Variants in PTPRM observed in about 807,000 individuals in gnomAD.
PTPRM encodes protein tyrosine phosphatase receptor type M, also known as receptor-type tyrosine-protein phosphatase mu.
Under a neutral mutation model 186.7 loss-of-function variants are expected in PTPRM, and 47 were observed. The observed-to-expected ratio is 0.25, with a 90% CI of 0.20 to 0.32. The LOEUF (loss-of-function observed/expected upper bound fraction) is 0.32, where lower values mean the gene tolerates loss of function less well. Among genes scored for constraint, PTPRM ranks in the 10% least tolerant of loss-of-function variants. The pLI is 1.00. For synonymous variants in PTPRM, 668 were observed against 674.9 expected (o/e 0.99, Z 0.16); for missense variants, 1,494 against 1,865.0 (o/e 0.80, Z 3.66).
At chr18:8,133,970 G>A (rs1374076363) in intron 13 of PTPRM, among the ~76,000 whole-genome samples, 1 of 152,170 alleles carries the variant, frequency 6.6e-6, no homozygotes, top group East Asian at 1.9e-4. Flanking sequence ...AAAAAAATAT[G>A]TAGCATTTTT....
Position 8,147,395 on chromosome 18 carries a change from A to T in PTPRM, c.2300+3616A>T, listed in dbSNP as rs371677680. Among the ~76,000 whole-genome samples, 48 of 152,212 alleles carry T rather than the reference A, an allele frequency of 3.2e-4. No individual in the cohort carries two copies. In the South Asian group the frequency reaches 6.2e-3, roughly 20 times the overall value. ...TGTAAATTGTATTCCTAGATATTTT[A>T]TTCTCTCTATAGCAATTGCGAATGG... On this transcript the variant is annotated intron_variant, in intron 14 of 32. Coordinates refer to ENST00000580170, the MANE Select transcript of PTPRM (RefSeq NM_001105244.2).
chr18:7,935,231 G>T (rs1315449293), intron 5 of PTPRM, among the ~76,000 whole-genome samples: 1 of 152,240 alleles, frequency 6.6e-6, no homozygotes, highest in East Asian at 1.9e-4. Flanking sequence ...AAGGAGGACT[G>T]TCTTTAGTTG....
At chr18:7,852,118 A>G (rs2046889264) in intron 2 of PTPRM, among the ~76,000 whole-genome samples, 2 of 152,224 alleles carry the variant, frequency 1.3e-5, no homozygotes, top group African/African-American at 2.4e-5. Flanking sequence ...ATAAACAAAG[A>G]ACACAGCTCA....
intron 7 of PTPRM, among the ~76,000 whole-genome samples, chr18:8,066,662 A>G (rs2148415195): frequency 6.6e-6 from 1 of 152,348 alleles, no homozygotes. Flanking sequence ...AAGCTTCCGT[A>G]AGATAGTTTT....
chr18:8,341,563 C>T (rs1002688664), intron 22 of PTPRM, among the ~76,000 whole-genome samples: 1 of 152,116 alleles, frequency 6.6e-6, no homozygotes, highest in African/African-American at 2.4e-5. Context: ...CTTTGCTCTT[C>T]CTGCAGGCAC....
At chr18:8,323,304 TC>T (rs2095356949) in intron 22 of PTPRM, among the ~76,000 whole-genome samples, 1 of 152,076 alleles carries the variant, frequency 6.6e-6, no homozygotes, top group South Asian at 2.1e-4. Context: ...TGCACCGGGA[TC>T]CCCCAAGAAA....
At chr18:8,103,706 C>T (rs567828683) in intron 11 of PTPRM, among the ~76,000 whole-genome samples, 8 of 152,328 alleles carry the variant, frequency 5.3e-5, no homozygotes, top group Admixed American at 4.6e-4. Flanking sequence ...ACTTTCCTAT[C>T]ATTCATGTGT....
At chr18:7,657,171 G>A (rs192644553) in intron 1 of PTPRM, among the ~76,000 whole-genome samples, 5 of 152,248 alleles carry the variant, frequency 3.3e-5, no homozygotes, top group African/African-American at 9.6e-5. Flanking sequence ...TCTGAGTTTA[G>A]ATTTTGCCAA....
In PTPRM at chr18:7,933,551, G is replaced by C. The variant is rs551148297; in HGVS notation, c.663+6868G>C. 2.0e-5 allele frequency among the ~76,000 whole-genome samples: 3 copies of C among 152,228 alleles called. No individual in the cohort carries two copies. In the East Asian group the frequency reaches 5.8e-4, roughly 29 times the overall value. On this transcript the variant is annotated intron_variant, in intron 5 of 32. Transcript: ENST00000580170. ...TTGAAATGTATCTCCCATGGAACAG[G>C]GGGGACTGCTATACTGTTAAAAACA...
Position 8,378,285 on chromosome 18 carries a change from C to T in PTPRM, c.3483C>T (p.His1161=), listed in dbSNP as rs748093155. 6.3e-5 allele frequency: 101 copies of T among 1,612,194 alleles called. No individual in the cohort carries two copies. The highest frequency in any genetic ancestry group is 3.1e-4 in the East Asian group (14 of 44,872). Residue 1161 remains histidine (H), a synonymous_variant, in exon 27 of 33, where the codon CAC becomes CAT. Coordinates refer to ENST00000580170, the MANE Select transcript of PTPRM (RefSeq NM_001105244.2). Reference sequence around the variant, plus strand: ...TCCAGGAGCAGTATGTGTTTATCCACGATGCGATCCTGGAAGCCTGTCTTT... The same window carrying T: ...TCCAGGAGCAGTATGTGTTTATCCATGATGCGATCCTGGAAGCCTGTCTTT... ...VQTEEQYVFI[H]DAILEACLCG...
At chr18:7,698,517 C>T (rs2039891362) in intron 1 of PTPRM, among the ~76,000 whole-genome samples, 2 of 152,140 alleles carry the variant, frequency 1.3e-5, no homozygotes, top group Admixed American at 6.5e-5. Context: ...AAACTTACCT[C>T]ATTAAGTACA....
Position 8,199,666 on chromosome 18 carries a change from G to A in PTPRM, c.2301-44392G>A, listed in dbSNP as rs140010295. ...ATACATCACAGGGACAAGATTCATT[G>A]AAGTGAAGGTATTTCACTTCCAACT... On this transcript the variant is annotated intron_variant, in intron 14 of 32. Coordinates refer to ENST00000580170, the MANE Select transcript of PTPRM (RefSeq NM_001105244.2). Among the ~76,000 whole-genome samples the A allele has an allele frequency of 3.3e-3, 507 of 152,244 alleles. 3 individuals are homozygous for A. The highest frequency in any genetic ancestry group is 0.012 in the African/African-American group (484 of 41,530).
chr18:7,583,260 G>A (rs2036892113), intron 1 of PTPRM, among the ~76,000 whole-genome samples: 2 of 152,200 alleles, frequency 1.3e-5, no homozygotes, highest in Admixed American at 1.3e-4. Context: ...ATGCCACCTA[G>A]GTGCTAGGTC....
intron 7 of PTPRM, among the ~76,000 whole-genome samples, chr18:7,964,936 G>C (rs1399464199): frequency 6.6e-6 from 1 of 151,582 alleles, no homozygotes; most frequent in African/African-American, 2.4e-5. Flanking sequence ...ATGAGACACT[G>C]TTATGCTGTG....
chr18:8,238,860 T>C (rs1041452144), intron 14 of PTPRM, among the ~76,000 whole-genome samples: 2 of 151,390 alleles, frequency 1.3e-5, no homozygotes, highest in African/African-American at 2.4e-5. Flanking sequence ...ATTATTCCTC[T>C]CCCCCACCGT....
At chr18:7,884,302 T>G (rs1304764236) in intron 2 of PTPRM, among the ~76,000 whole-genome samples, 1 of 152,192 alleles carries the variant, frequency 6.6e-6, no homozygotes, top group East Asian at 1.9e-4. Flanking sequence ...ATTATGAGGC[T>G]GCATAGATAC....
chr18:8,143,986 G>A (rs1226616553), intron 14 of PTPRM, among the ~76,000 whole-genome samples: 1 of 152,126 alleles, frequency 6.6e-6, no homozygotes, highest in Non-Finnish European at 1.5e-5. Context: ...GTGTGAATAC[G>A]CAAAGCATAT....
intron 20 of PTPRM, among the ~76,000 whole-genome samples, chr18:8,301,976 C>T (rs757070007): frequency 1.1e-4 from 17 of 152,252 alleles, no homozygotes; most frequent in Non-Finnish European, 2.2e-4. Flanking sequence ...GCTGTGCTGC[C>T]GGAGCAGCGG....
chr18:7,780,206 C>T (rs1233488882), intron 2 of PTPRM, among the ~76,000 whole-genome samples: 3 of 152,158 alleles, frequency 2.0e-5, no homozygotes, highest in Non-Finnish European at 4.4e-5. Context: ...CAGTCAACAA[C>T]ATTTGCTTTT....
Sources: allele counts gnomAD v4.1 joint callset (sites outside exome capture counted in the v4.1 genomes callset), GRCh38; gene constraint gnomAD v4.1.1; transcripts MANE v1.5; gene names NCBI Gene and HGNC (gene_info 2026-07-23, HGNC 2026-07-21).